NRXN3: variants seen among roughly 807,000 people sequenced by gnomAD.
NRXN3 encodes neurexin 3, also known as neurexin III.
A neutral mutation model predicts 137.6 loss-of-function variants in NRXN3; 32 were observed. The observed-to-expected ratio is 0.23, with a 90% confidence interval of 0.18 to 0.31. The LOEUF (loss-of-function observed/expected upper bound fraction) is 0.31, where lower values mean the gene tolerates loss of function less well. Among genes scored for constraint, NRXN3 ranks in the 10% least tolerant of loss-of-function variants. The pLI, the probability that NRXN3 is intolerant of heterozygous loss-of-function variation, is 1.00. For synonymous variants in NRXN3, 798 were observed against 784.5 expected (o/e 1.02, Z -0.29); for missense variants, 1,574 against 2,062.5 (o/e 0.76, Z 4.59).
At chr14:79,427,048 C>A (rs1403522263) in intron 15 of NRXN3, among the ~76,000 whole-genome samples, 2 of 152,066 alleles carry the variant, frequency 1.3e-5, no homozygotes, top group East Asian at 1.9e-4. Context: ...TCAGTTTTTT[C>A]CTTCTGTAAG....
chr14:79,849,160 G>A (rs1162329538), intron 20 of NRXN3, among the ~76,000 whole-genome samples: 1 of 152,098 alleles, frequency 6.6e-6, no homozygotes, highest in African/African-American at 2.4e-5. Flanking sequence ...ATCATTTCTT[G>A]CTTGAATTCT....
chr14:79,141,705 G>C (rs2058801281), intron 15 of NRXN3, among the ~76,000 whole-genome samples: 1 of 152,186 alleles, frequency 6.6e-6, no homozygotes, highest in Non-Finnish European at 1.5e-5. Flanking sequence ...AAATAAAGGA[G>C]ATACCACTTC....
At chr14:79,260,316 T>G (rs2077406295) in intron 15 of NRXN3, among the ~76,000 whole-genome samples, 1 of 152,280 alleles carries the variant, frequency 6.6e-6, no homozygotes, top group South Asian at 2.1e-4. Flanking sequence ...GTTTTAAGAA[T>G]TGTTAAAAAG....
chr14:78,622,119 C>T (rs1326674344), intron 4 of NRXN3, among the ~76,000 whole-genome samples: 3 of 152,126 alleles, frequency 2.0e-5, no homozygotes. Context: ...AGAGCTGGAT[C>T]AATGCCCCAT....
chr14:79,823,972 C>T (rs2099280987), intron 20 of NRXN3: 2 of 424,234 alleles, frequency 4.7e-6, no homozygotes, highest in Non-Finnish European at 9.9e-6. Context: ...GTAAATGACC[C>T]ATTACCAGAA....
In NRXN3 at chr14:79,016,047, C is replaced by T. The variant is rs2099578647; in HGVS notation, c.3262+27906C>T. ...TGACTTTCCAAAGCAAGTGTCTTTC[C>T]CTTCTCACCTTGTCCATGGCCCCTT... On this transcript the variant is annotated intron_variant, in intron 15 of 20. Transcript: ENST00000335750. Among the ~76,000 whole-genome samples the T allele has an allele frequency of 1.3e-5, 2 of 152,136 alleles. 1 individual carries two copies. Among genetic ancestry groups the T allele is most frequent in the South Asian group, 4.1e-4 (2 of 4,828 alleles).
At chr14:78,843,686 C>T (rs1365927761) in intron 10 of NRXN3, among the ~76,000 whole-genome samples, 1 of 152,050 alleles carries the variant, frequency 6.6e-6, no homozygotes, top group African/African-American at 2.4e-5. Context: ...CCATTTCCCT[C>T]AATAAAGAAG....
chr14:79,744,346 G>T (rs2154082365), intron 19 of NRXN3, among the ~76,000 whole-genome samples: 1 of 152,254 alleles, frequency 6.6e-6, no homozygotes, highest in South Asian at 2.1e-4. Flanking sequence ...TATAAATAAA[G>T]CTGAAAAGCA....
chr14:78,578,349 T>C (rs1480458734), intron 4 of NRXN3, among the ~76,000 whole-genome samples: 3 of 152,198 alleles, frequency 2.0e-5, no homozygotes, highest in Non-Finnish European at 4.4e-5. Flanking sequence ...TATGAGTAAT[T>C]GAAGGTGGGT....
At chr14:79,778,723 T>G (rs1166530281) in intron 19 of NRXN3, among the ~76,000 whole-genome samples, 1 of 152,160 alleles carries the variant, frequency 6.6e-6, no homozygotes, top group African/African-American at 2.4e-5. Flanking sequence ...TCAGGCTGTA[T>G]AGTTTAAAAA....
chr14:79,437,196 C>T (rs2095858613), intron 15 of NRXN3, among the ~76,000 whole-genome samples: 1 of 152,044 alleles, frequency 6.6e-6, no homozygotes, highest in South Asian at 2.1e-4. Context: ...GCTGCTTATA[C>T]GTTCTTTCCC....
chr14:78,547,572 T>C (rs969917306), intron 4 of NRXN3, among the ~76,000 whole-genome samples: 6 of 152,080 alleles, frequency 3.9e-5, no homozygotes, highest in Non-Finnish European at 8.8e-5. Context: ...TTTGGGACAA[T>C]TGCCATGTTC....
chr14:79,065,616 G>T (rs138366364), intron 15 of NRXN3, among the ~76,000 whole-genome samples: 39 of 152,232 alleles, frequency 2.6e-4, no homozygotes, highest in Admixed American at 2.5e-3. Context: ...ATGAGATAAA[G>T]GTGCTGGCGG....
chr14:78,659,372 C>T (rs564907526), intron 6 of NRXN3, among the ~76,000 whole-genome samples: 1 of 151,828 alleles, frequency 6.6e-6, no homozygotes, highest in Non-Finnish European at 1.5e-5. Flanking sequence ...TATGGGTTGA[C>T]CATAAAAAAA....
intron 8 of NRXN3, among the ~76,000 whole-genome samples, chr14:78,789,251 TA>T (rs977871303): frequency 3.9e-5 from 6 of 152,172 alleles, no homozygotes; most frequent in African/African-American, 1.4e-4. Context: ...CTAAACTTCC[TA>T]ACTGTGCTTT....
intron 19 of NRXN3, among the ~76,000 whole-genome samples, chr14:79,743,092 C>T (rs1195084937): frequency 6.6e-6 from 1 of 152,090 alleles, no homozygotes; most frequent in Non-Finnish European, 1.5e-5. Flanking sequence ...ATTTTTGTGG[C>T]ACCTGGGTGA....
chr14:79,283,358 C>T (rs72688966), intron 15 of NRXN3, among the ~76,000 whole-genome samples: 19,136 of 152,070 alleles, frequency 0.13, 1,626 homozygotes, highest in Non-Finnish European at 0.18. Flanking sequence ...TCCTGAGAAG[C>T]CAAAGTCCTC....
At chr14:79,005,993 G>A (rs181155734) in intron 15 of NRXN3, among the ~76,000 whole-genome samples, 5 of 152,140 alleles carry the variant, frequency 3.3e-5, no homozygotes, top group African/African-American at 1.2e-4. Flanking sequence ...ACAATGCCTC[G>A]TTTATTTTTA....
chr14:78,480,132 C>T (rs999348127), intron 4 of NRXN3, among the ~76,000 whole-genome samples: 13 of 152,070 alleles, frequency 8.5e-5, no homozygotes, highest in Admixed American at 1.3e-4. Context: ...TAGAGTGAGA[C>T]CCTCAAAGAA....
Sources: gnomAD v4.1 joint callset for allele counts (sites outside exome capture counted in the v4.1 genomes callset) on GRCh38, gnomAD v4.1.1 for gene constraint, MANE v1.5 for transcripts, NCBI Gene and HGNC (gene_info 2026-07-23, HGNC 2026-07-21) for gene names.